The following NEBL variants were observed in gnomAD, a reference collection of about 807,000 sequenced individuals.
NEBL encodes LIM and SH3 protein 2.
Under a neutral mutation model 140.2 loss-of-function variants are expected in NEBL, and 122 were observed. That is an observed-to-expected ratio of 0.87 (90% CI 0.75 to 1.01). NEBL has a LOEUF of 1.01. NEBL is among the 50% of genes least tolerant of loss of function. NEBL has a pLI of 0.00. For synonymous variants in NEBL, 436 were observed against 398.9 expected (o/e 1.09, Z -1.11); for missense variants, 1,365 against 1,231.3 (o/e 1.11, Z -1.62).
rs1833697899 is a variant in NEBL at position 21,029,711 on chromosome 10, G to T, written c.165-9510C>A. 19 of 919,114 alleles carry T rather than the reference G, an allele frequency of 2.1e-5. 1 individual carries two copies. Among genetic ancestry groups the T allele is most frequent in the Middle Eastern group, 6.1e-4 (2 of 3,292 alleles). 56.9% of individuals were successfully genotyped at this position (919,114 alleles called of 1,614,324 possible). ...TCAGACCAGTCTGGCCGTGGGTATT[G>T]GTATGAGTATCGGGATGGCCCATGC... On this transcript the variant is annotated intron_variant, in intron 2 of 6. Coordinates refer to the NEBL transcript ENST00000417816.
At chr10:21,085,426 A>C (rs2131948590) in intron 2 of NEBL, among the ~76,000 whole-genome samples, 1 of 152,292 alleles carries the variant, frequency 6.6e-6, no homozygotes, top group African/African-American at 2.4e-5. Flanking sequence ...GTTCGAGACC[A>C]GTCTGGGCAA....
At position 21,173,018 on chromosome 10, in the gene NEBL, A is replaced by G. The variant is rs1841149964; in HGVS notation, c.70-541T>C. 6.6e-6 allele frequency among the ~76,000 whole-genome samples: 1 copy of G among 152,168 alleles called. No individual in the cohort carries two copies. The highest frequency in any genetic ancestry group is 1.5e-5 in the Non-Finnish European group (1 of 68,040). On this transcript the variant is annotated intron_variant, in intron 1 of 6. Transcript: ENST00000417816. This position sits in a 1 kb window ranked among gnomAD's most constrained non-coding sequence, Gnocchi z 5.7. ...GGATGGCAGCTTGTTCTAAGGAAGC[A>G]TTTGTATCTTCAGACGCAAATTTCC... is the stretch of plus-strand genomic sequence containing the variant.
At chr10:21,189,490 A>G (rs867245288) in intron 3 of NEBL, among the ~76,000 whole-genome samples, 3 of 151,830 alleles carry the variant, frequency 2.0e-5, no homozygotes, top group Middle Eastern at 3.4e-3. Flanking sequence ...TTTGAGATGG[A>G]GTCTCACTCT....
chr10:21,252,919 C>A (rs532969759), intron 1 of NEBL, among the ~76,000 whole-genome samples: 5 of 152,158 alleles, frequency 3.3e-5, no homozygotes, highest in Admixed American at 6.5e-5. Flanking sequence ...TACACCACTG[C>A]ACTCCAGCCG....
At chr10:21,071,934 T>C (rs1564500854) in intron 2 of NEBL, among the ~76,000 whole-genome samples, 1 of 152,156 alleles carries the variant, frequency 6.6e-6, no homozygotes, top group Admixed American at 6.5e-5. Flanking sequence ...TTCTCATGCC[T>C]CAGTCTACTG....
At chr10:20,939,246 C>T (rs1413168015) in intron 4 of NEBL, among the ~76,000 whole-genome samples, 1 of 152,228 alleles carries the variant, frequency 6.6e-6, no homozygotes, top group Non-Finnish European at 1.5e-5. Context: ...TCAGCAGAAA[C>T]TCTACAAGCC....
intron 3 of NEBL, among the ~76,000 whole-genome samples, chr10:20,968,501 A>T (rs1439706731): frequency 6.6e-6 from 1 of 152,090 alleles, no homozygotes; most frequent in East Asian, 1.9e-4. Context: ...ACAGAGCAAG[A>T]CCCCATCTCT....
chr10:20,977,466 C>T (rs1439260906), intron 3 of NEBL, among the ~76,000 whole-genome samples: 1 of 152,150 alleles, frequency 6.6e-6, no homozygotes, highest in African/African-American at 2.4e-5. Context: ...ACCATATCCA[C>T]TGAAACTGAT....
chr10:20,963,213 T>C (rs753959081), intron 3 of NEBL, among the ~76,000 whole-genome samples: 2 of 152,234 alleles, frequency 1.3e-5, no homozygotes, highest in Non-Finnish European at 2.9e-5. Flanking sequence ...ATTAGCCTTC[T>C]CACCCTCCAT....
chr10:20,888,330 A>G, intron 3 of NEBL, 123 bp from the exon 4 acceptor site: 2 of 679,504 alleles, frequency 2.9e-6, no homozygotes, highest in South Asian at 1.8e-5. Context: ...TCTGCAGACC[A>G]TTTTAATTTT....
intron 5 of NEBL, among the ~76,000 whole-genome samples, chr10:20,873,780 CTG>C (rs1490446151): frequency 1.3e-5 from 2 of 152,016 alleles, no homozygotes; most frequent in African/African-American, 2.4e-5. Flanking sequence ...AAACAAATAA[CTG>C]TAATTTTAAT....
intron 2 of NEBL, chr10:21,125,832 A>G (rs1320405707): frequency 6.2e-7 from 1 of 1,608,170 alleles, no homozygotes; most frequent in South Asian, 1.1e-5. Context: ...TTTACAAAAA[A>G]GTCATTTTCA....
At chr10:20,814,707 T>A (rs1168744823) in intron 22 of NEBL, among the ~76,000 whole-genome samples, 2 of 152,164 alleles carry the variant, frequency 1.3e-5, no homozygotes, top group Non-Finnish European at 2.9e-5. Context: ...AAAGTTATTT[T>A]GTTTCTAAAT....
chr10:20,941,087 G>A (rs544773153), intron 4 of NEBL, among the ~76,000 whole-genome samples: 147 of 152,248 alleles, frequency 9.7e-4, no homozygotes, highest in African/African-American at 3.3e-3. Flanking sequence ...CTCATTTTAC[G>A]AGGCCAGCAT....
rs1836472643 is a variant in NEBL at position 20,795,961 on chromosome 10, T to C, written c.2762-8653A>G. On this transcript the variant is annotated intron_variant, in intron 26 of 27. Transcript: ENST00000377122. ...ATATTAATGGATTAAAGATTCTTTA[T>C]TGCCTGTGAACTGCAAAAGGAAACA... Among the ~76,000 whole-genome samples the C allele has an allele frequency of 2.0e-5, 3 of 152,250 alleles. No homozygotes were observed. The South Asian group carries it at 6.2e-4, about 31-fold the overall frequency.
intron 23 of NEBL, among the ~76,000 whole-genome samples, chr10:20,813,548 C>CT (rs1201856010): frequency 2.6e-5 from 4 of 152,086 alleles, no homozygotes; most frequent in African/African-American, 9.7e-5. Flanking sequence ...TAAATTACAT[C>CT]TGATAATATA....
intron 2 of NEBL, chr10:21,020,326 T>C (rs921751038): frequency 6.3e-5 from 50 of 791,124 alleles, no homozygotes; most frequent in Admixed American, 4.0e-4. Context: ...GGACCTGAGC[T>C]TGGCTAAGGT....
At chr10:20,803,211 T>G (rs1837285378) in intron 26 of NEBL, among the ~76,000 whole-genome samples, 1 of 152,174 alleles carries the variant, frequency 6.6e-6, no homozygotes, top group Non-Finnish European at 1.5e-5. Context: ...AGGATGACTA[T>G]AGTTAGCAAG....
intron 1 of NEBL, among the ~76,000 whole-genome samples, chr10:21,276,289 G>A (rs946595763): frequency 6.6e-6 from 1 of 152,038 alleles, no homozygotes; most frequent in African/African-American, 2.4e-5. Context: ...CCACCTTTCT[G>A]TGCTTATAAA....
Sources: gnomAD v4.1 joint callset for allele counts (sites outside exome capture counted in the v4.1 genomes callset) on GRCh38, gnomAD v4.1.1 for gene constraint, Gnocchi (gnomAD v3.1) non-coding constraint, MANE v1.5 for transcripts, NCBI Gene and HGNC (gene_info 2026-07-23, HGNC 2026-07-21) for gene names.